Variants in TRPM8 observed in about 807,000 individuals in gnomAD.
TRPM8 encodes TRPM8 cationic channel.
A neutral mutation model predicts 133.7 loss-of-function variants in TRPM8; 110 were observed. The ratio of observed to expected loss-of-function variants is 0.82; its 90% confidence interval spans 0.70 to 0.96. The LOEUF is 0.96. TRPM8 is among the 40% of genes least tolerant of loss of function. TRPM8 has a pLI of 0.00. For synonymous variants in TRPM8, 535 were observed against 532.3 expected (o/e 1.01, Z -0.07); for missense variants, 1,291 against 1,379.5 (o/e 0.94, Z 1.02).
intron 19 of TRPM8, 69 bp from the exon 20 acceptor site, chr2:233,982,984 G>A (rs1362415427): frequency 1.8e-5 from 28 of 1,546,812 alleles, no homozygotes; most frequent in Non-Finnish European, 2.4e-5. Context: ...CACTGAGGAC[G>A]GCCGGGCCGG....
intron 1 of TRPM8, among the ~76,000 whole-genome samples, chr2:233,918,167 A>G (rs1055635423): frequency 6.6e-6 from 1 of 152,134 alleles, no homozygotes; most frequent in Non-Finnish European, 1.5e-5. Context: ...GCTAATACAA[A>G]GATACTGATC....
intron 4 of TRPM8, among the ~76,000 whole-genome samples, chr2:233,938,198 G>C (rs1690808813): frequency 6.6e-6 from 1 of 152,202 alleles, no homozygotes; most frequent in Non-Finnish European, 1.5e-5. Context: ...GGCCGCTGGA[G>C]GACTCCCTAA....
At chr2:233,926,745 T>C (rs1691525716) in intron 2 of TRPM8, 91 bp downstream of exon 2, 1 of 942,256 alleles carries the variant, frequency 1.1e-6, no homozygotes, top group Non-Finnish European at 1.7e-6. Context: ...TTTTAGAACA[T>C]TTTAAATGCC....
intron 7 of TRPM8, 150 bp from the exon 8 acceptor site, chr2:233,946,938 A>G: frequency 1.5e-6 from 1 of 655,276 alleles, no homozygotes; most frequent in Non-Finnish European, 2.7e-6. Context: ...TCCGTCTTTA[A>G]TGAGTGGATA....
At chr2:233,995,267 G>A (rs1047773113) in intron 21 of TRPM8, among the ~76,000 whole-genome samples, 2 of 152,186 alleles carry the variant, frequency 1.3e-5, no homozygotes, top group African/African-American at 4.8e-5. Context: ...TGTAGATTAA[G>A]CCAGTTAATT....
chr2:233,924,174 T>A (rs368037907), intron 1 of TRPM8, among the ~76,000 whole-genome samples: 1 of 152,166 alleles, frequency 6.6e-6, no homozygotes, highest in Non-Finnish European at 1.5e-5. Flanking sequence ...AAGTCCAAGG[T>A]GGGCAAGTCA....
chr2:234,017,613 C>G lies in TRPM8; in HGVS notation c.*357C>G, dbSNP rs1488968950. On this transcript the variant is annotated 3_prime_UTR_variant, in exon 26 of 26. Transcript: ENST00000324695. The stretch of plus-strand genomic sequence containing the variant: ...GATGAACACATATATAGGAGAACAT[C>G]TATCCTATGAATAAGAACCTGGTCA... The G allele has an allele frequency of 4.7e-6, 1 of 214,682 alleles. No homozygotes were observed. The highest frequency in any genetic ancestry group is 2.3e-5 in the African/African-American group (1 of 42,818). 13.3% of individuals were successfully genotyped at this position (214,682 alleles called of 1,614,324 possible). A position where few individuals can be genotyped will look rare whatever the true frequency, so the allele number is the denominator to read the frequency against.
chr2:233,993,175 T>C (rs1056793880), intron 21 of TRPM8, among the ~76,000 whole-genome samples: 14 of 152,228 alleles, frequency 9.2e-5, no homozygotes, highest in African/African-American at 3.4e-4. Flanking sequence ...AGTTATCAGC[T>C]GGTTCATTCA....
intron 9 of TRPM8, among the ~76,000 whole-genome samples, chr2:233,952,177 T>C (rs1002458181): frequency 6.6e-6 from 1 of 152,198 alleles, no homozygotes; most frequent in Non-Finnish European, 1.5e-5. Context: ...ACATACTGCG[T>C]GCCGGGTTCT....
chr2:233,997,541 C>G (rs760920860), intron 22 of TRPM8, among the ~76,000 whole-genome samples: 36 of 152,278 alleles, frequency 2.4e-4, no homozygotes, highest in Middle Eastern at 3.4e-3. Flanking sequence ...GCTTCGTGCC[C>G]TCTGGCCTGG....
At chr2:233,968,512 C>G (rs903785775) in intron 15 of TRPM8, among the ~76,000 whole-genome samples, 1 of 152,138 alleles carries the variant, frequency 6.6e-6, no homozygotes, top group Admixed American at 6.5e-5. Context: ...ACACCTTATT[C>G]CAGGACACTA....
intron 3 of TRPM8, among the ~76,000 whole-genome samples, chr2:233,934,321 T>C (rs1574697958): frequency 6.6e-6 from 1 of 152,190 alleles, no homozygotes; most frequent in African/African-American, 2.4e-5. Context: ...TGATCTTCCA[T>C]GTCACAGGCC....
intron 3 of TRPM8, among the ~76,000 whole-genome samples, chr2:233,934,465 A>T (rs1054816822): frequency 6.6e-6 from 1 of 152,232 alleles, no homozygotes; most frequent in African/African-American, 2.4e-5. Flanking sequence ...CAATTCAGTT[A>T]TATGAACAGG....
Position 234,014,734 on chromosome 2 carries a change from TCA to T in TRPM8, c.*42+81_*42+82del, listed in dbSNP as rs1692917372. ...CTAATTTAAGATCATGATTTTTTCC[TCA>T]GTTATTTTATTTCCATAAATTACCA... On this transcript the variant is annotated intron_variant, in intron 25 of 25. Coordinates refer to ENST00000324695, the MANE Select transcript of TRPM8 (RefSeq NM_024080.5). 9.5e-6 allele frequency: 5 copies of T among 526,940 alleles called. No individual in the cohort carries two copies. The East Asian group carries it at 1.5e-4, about 16-fold the overall frequency. The allele number at this position is 526,940 out of a possible 1,614,324, so 32.6% of individuals were successfully genotyped here.
At chr2:233,942,971 T>A in intron 6 of TRPM8, 1 of 609,052 alleles carries the variant, frequency 1.6e-6, no homozygotes, top group South Asian at 2.0e-5. Flanking sequence ...TTCATTAAAA[T>A]GTGTTCTCAG....
chr2:233,930,676 G>T lies in TRPM8; in HGVS notation c.126G>T (p.Val42=), dbSNP rs772636169. Residue 42 remains valine (V), a synonymous_variant, in exon 3 of 26, where the codon GTG becomes GTT. Coordinates refer to ENST00000324695, the MANE Select transcript of TRPM8 (RefSeq NM_024080.5). ...ATGTTCTCTCTCCAAAGGACTTGGT[G>T]AATTTTATTCAAGCAAATTTTAAGA... ...TDLSYSESDL[V]NFIQANFKKR... is the part of the protein sequence containing the mutation. 7.5e-6 allele frequency: 12 copies of T among 1,606,632 alleles called. No individual in the cohort carries two copies. The highest frequency in any genetic ancestry group is 1.0e-5 in the Non-Finnish European group (12 of 1,174,596).
chr2:233,921,713 G>A (rs1358701469), intron 1 of TRPM8, among the ~76,000 whole-genome samples: 1 of 92,284 alleles, frequency 1.1e-5, no homozygotes, highest in Non-Finnish European at 1.9e-5. Context: ...GTCTTACTCT[G>A]TCACCCAGGC....
intron 14 of TRPM8, 40 bp from the exon 15 acceptor site, chr2:233,966,570 G>C: frequency 6.2e-7 from 1 of 1,612,692 alleles, no homozygotes; most frequent in Non-Finnish European, 8.5e-7. Context: ...GTCATGTGCA[G>C]CTCTTACACC....
At chr2:234,006,509 C>A (rs577916829) in intron 22 of TRPM8, among the ~76,000 whole-genome samples, 1 of 152,142 alleles carries the variant, frequency 6.6e-6, no homozygotes, top group Non-Finnish European at 1.5e-5. Context: ...TTTATGTCAT[C>A]AAAATGGAAG....
Sources: gnomAD v4.1 joint callset for allele counts (sites outside exome capture counted in the v4.1 genomes callset) on GRCh38, gnomAD v4.1.1 for gene constraint, MANE v1.5 for transcripts, NCBI Gene and HGNC (gene_info 2026-07-23, HGNC 2026-07-21) for gene names.